Variants in LRMDA observed in about 807,000 individuals in gnomAD.
LRMDA encodes leucine-rich melanocyte differentiation-associated protein.
A neutral mutation model predicts 29.8 loss-of-function variants in LRMDA; 18 were observed. That is an observed-to-expected ratio of 0.60 (90% CI 0.42 to 0.90). The LOEUF (loss-of-function observed/expected upper bound fraction) is 0.90, where lower values mean the gene tolerates loss of function less well. LRMDA is among the 40% of genes least tolerant of loss of function. The pLI is 0.00. For missense variants in LRMDA, 273 were observed against 273.9 expected (o/e 1.00, Z 0.02); for synonymous variants, 125 against 109.4 (o/e 1.14, Z -0.89).
At chr10:75,864,701 T>A (rs769908069) in intron 2 of LRMDA, among the ~76,000 whole-genome samples, 2 of 152,232 alleles carry the variant, frequency 1.3e-5, no homozygotes, top group Non-Finnish European at 2.9e-5. Context: ...TTGAAATAAT[T>A]TACTTTTATC....
At chr10:75,639,039 G>C (rs1841420242) in intron 2 of LRMDA, among the ~76,000 whole-genome samples, 1 of 152,170 alleles carries the variant, frequency 6.6e-6, no homozygotes, top group Admixed American at 6.5e-5. Flanking sequence ...TATTACGTTT[G>C]CCTTTGAGAT....
At chr10:75,454,011 A>G (rs1439154487) in intron 2 of LRMDA, among the ~76,000 whole-genome samples, 2 of 152,240 alleles carry the variant, frequency 1.3e-5, no homozygotes, top group Non-Finnish European at 2.9e-5. Flanking sequence ...ATGGACAGCC[A>G]TGTAGAAATG....
At chr10:76,166,577 T>G (rs960238956) in intron 5 of LRMDA, among the ~76,000 whole-genome samples, 15 of 152,214 alleles carry the variant, frequency 9.9e-5, no homozygotes, top group African/African-American at 3.6e-4. Context: ...ATATTTGGTT[T>G]TCTGTTCCTG....
At chr10:75,601,750 G>T (rs1452694363) in intron 2 of LRMDA, among the ~76,000 whole-genome samples, 1 of 152,004 alleles carries the variant, frequency 6.6e-6, no homozygotes, top group Non-Finnish European at 1.5e-5. Flanking sequence ...AATGCTTTAC[G>T]TGTATTATCC....
At chr10:76,156,004 G>T (rs182997026) in intron 5 of LRMDA, among the ~76,000 whole-genome samples, 57 of 152,232 alleles carry the variant, frequency 3.7e-4, no homozygotes, top group Middle Eastern at 3.4e-3. Context: ...ATTAGTGTTG[G>T]ATATGGTTCA....
intron 6 of LRMDA, among the ~76,000 whole-genome samples, chr10:76,452,243 A>C (rs1842414550): frequency 6.6e-6 from 1 of 152,174 alleles, no homozygotes; most frequent in Non-Finnish European, 1.5e-5. Context: ...GGATGTAGAC[A>C]ATAATATATG....
intron 6 of LRMDA, among the ~76,000 whole-genome samples, chr10:76,502,252 G>C (rs1201499040): frequency 1.3e-5 from 2 of 151,944 alleles, no homozygotes; most frequent in Non-Finnish European, 2.9e-5. Context: ...AAGCTGTTTT[G>C]GGTACTGTGG....
At chr10:76,418,328 TTGTGTG>T (rs35733567) in intron 6 of LRMDA, among the ~76,000 whole-genome samples, 7 of 149,526 alleles carry the variant, frequency 4.7e-5, no homozygotes, top group African/African-American at 7.4e-5. Flanking sequence ...TTAGTTTTTC[TTGTGTG>T]TGTGTGTGTG....
At chr10:75,714,740 A>AT (rs914260236) in intron 2 of LRMDA, among the ~76,000 whole-genome samples, 15 of 151,412 alleles carry the variant, frequency 9.9e-5, no homozygotes, top group African/African-American at 2.7e-4. Flanking sequence ...TAACAATTTG[A>AT]TTTTTTTTTA....
At chr10:76,376,416 C>T (rs574932595) in intron 6 of LRMDA, among the ~76,000 whole-genome samples, 18 of 152,214 alleles carry the variant, frequency 1.2e-4, no homozygotes, top group South Asian at 4.2e-4. Context: ...CAAACATACA[C>T]ACACACTACT....
chr10:75,467,360 C>T (rs4746301), intron 2 of LRMDA, among the ~76,000 whole-genome samples: 35,405 of 151,970 alleles, frequency 0.23, 4,281 homozygotes, highest in African/African-American at 0.29. Context: ...AATATTTGGC[C>T]CCTAGTTGTC....
intron 2 of LRMDA, among the ~76,000 whole-genome samples, chr10:75,559,958 A>G (rs1252955983): frequency 6.8e-5 from 10 of 146,110 alleles, no homozygotes; most frequent in African/African-American, 2.5e-4. Context: ...GTTTGAAGTC[A>G]GGTAGCATGA....
chr10:76,520,712 A>T (rs1293401121), intron 6 of LRMDA, among the ~76,000 whole-genome samples: 1 of 152,184 alleles, frequency 6.6e-6, no homozygotes, highest in African/African-American at 2.4e-5. Context: ...AACTCCAGCC[A>T]GACAAATCTC....
intron 5 of LRMDA, among the ~76,000 whole-genome samples, chr10:76,088,877 G>A (rs1322377340): frequency 1.3e-5 from 2 of 151,946 alleles, no homozygotes; most frequent in Admixed American, 6.6e-5. Flanking sequence ...TATTGATTCT[G>A]TTGGGATCCC....
chr10:75,681,983 C>G lies in LRMDA; in HGVS notation c.131+243489C>G, dbSNP rs78391840. Reference sequence around the variant, plus strand: ...AAGATGCAGCAGCTTATTGAAGACTCTCTTCCAGCCTATCACCACCTTCCT... The same window carrying G: ...AAGATGCAGCAGCTTATTGAAGACTGTCTTCCAGCCTATCACCACCTTCCT... On this transcript the variant is annotated intron_variant, in intron 2 of 6. Transcript: ENST00000611255. Among the ~76,000 whole-genome samples, 183 of 152,328 alleles carry G rather than the reference C, an allele frequency of 1.2e-3. 1 individual carries two copies. Among genetic ancestry groups the G allele is most frequent in the African/African-American group, 4.3e-3 (179 of 41,566 alleles).
intron 2 of LRMDA, among the ~76,000 whole-genome samples, chr10:75,474,682 G>A (rs980176521): frequency 2.0e-5 from 3 of 152,206 alleles, no homozygotes; most frequent in African/African-American, 7.2e-5. Context: ...TGGGAGGGTA[G>A]TCAGAGTGGG....
intron 2 of LRMDA, among the ~76,000 whole-genome samples, chr10:75,661,992 C>A (rs188070437): frequency 6.6e-6 from 1 of 152,156 alleles, no homozygotes; most frequent in African/African-American, 2.4e-5. Flanking sequence ...CCTGTACTTT[C>A]AGCCTCCTAA....
chr10:75,949,683 T>A (rs1846539380), intron 2 of LRMDA, among the ~76,000 whole-genome samples: 2 of 152,174 alleles, frequency 1.3e-5, no homozygotes, highest in Non-Finnish European at 2.9e-5. Flanking sequence ...CACCCTCGAT[T>A]TGGAGCTTGT....
intron 3 of LRMDA, among the ~76,000 whole-genome samples, chr10:76,043,780 T>C: frequency 6.6e-6 from 1 of 152,186 alleles, no homozygotes; most frequent in East Asian, 1.9e-4. Flanking sequence ...TGACTGGCAT[T>C]TCAATCCAAC....
Sources: allele counts gnomAD v4.1 joint callset (sites outside exome capture counted in the v4.1 genomes callset), GRCh38; gene constraint gnomAD v4.1.1; transcripts MANE v1.5; gene names NCBI Gene and HGNC (gene_info 2026-07-23, HGNC 2026-07-21).